Variants in MYH1 observed in about 807,000 individuals in gnomAD.
The protein encoded by MYH1 is myosin-1.
A neutral mutation model predicts 225.6 loss-of-function variants in MYH1; 214 were observed. That is an observed-to-expected ratio of 0.95 (90% CI 0.85 to 1.06). MYH1 has a LOEUF of 1.06. Among genes scored for constraint, MYH1 ranks in the 50% least tolerant of loss-of-function variants. MYH1 has a pLI of 0.00. For missense variants in MYH1, 2,098 were observed against 2,344.2 expected (o/e 0.89, Z 2.17); for synonymous variants, 774 against 842.3 (o/e 0.92, Z 1.40).
At chr17:10,493,308 C>T (rs936076806) in intron 39 of MYH1, among the ~76,000 whole-genome samples, 5 of 152,090 alleles carry the variant, frequency 3.3e-5, no homozygotes, top group African/African-American at 4.8e-5. Flanking sequence ...TGTGTGTGTC[C>T]GTGCACACAA....
chr17:10,509,163 T>G (rs12709362), intron 15 of MYH1, among the ~76,000 whole-genome samples: 1 of 151,916 alleles, frequency 6.6e-6, no homozygotes, highest in Non-Finnish European at 1.5e-5. Context: ...ATTCATACTT[T>G]GAATGCAGTA....
At chr17:10,517,751 T>A (rs1021868326) in intron 2 of MYH1, among the ~76,000 whole-genome samples, 1 of 152,030 alleles carries the variant, frequency 6.6e-6, no homozygotes, top group Non-Finnish European at 1.5e-5. Context: ...AATTTTTATT[T>A]TATAGATTGT....
At chr17:10,493,897 A>G (rs780598898) in intron 39 of MYH1, among the ~76,000 whole-genome samples, 2 of 152,120 alleles carry the variant, frequency 1.3e-5, no homozygotes, top group African/African-American at 2.4e-5. Flanking sequence ...GCTTCCTAAC[A>G]TGTCTCTCTG....
chr17:10,505,180 C>A lies in MYH1; in HGVS notation c.2418G>T (p.Gln806His). Residue 806 changes from glutamine (Q) to histidine (H), a missense_variant, in exon 21 of 40, where the codon CAG (glutamine) becomes CAT (histidine). Physicochemically the swap from Gln to His is conservative, Grantham distance 24. Coordinates refer to ENST00000226207, the MANE Select transcript of MYH1 (RefSeq NM_005963.4). Reference protein sequence around the residue: ...CRGFLARVEYQKMVERRESIF... With the variant: ...CRGFLARVEYHKMVERRESIF... Reference sequence around the variant, plus strand: ...ATTAATACCTTCTTTCCACCATTTTCTGGTACTCCACTCTTGCCAAGAACC... The same window carrying A: ...ATTAATACCTTCTTTCCACCATTTTATGGTACTCCACTCTTGCCAAGAACC... 1.2e-6 allele frequency: 2 copies of A among 1,614,152 alleles called. No homozygotes were observed. The highest frequency in any genetic ancestry group is 1.7e-6 in the Non-Finnish European group (2 of 1,180,024).
Position 10,512,711 on chromosome 17 carries a change from A to G in MYH1, c.978T>C (p.Ile326=). 6.2e-7 allele frequency: 1 copy of G among 1,613,862 alleles called. No individual in the cohort carries two copies. ...TAGCCATCAACTCTTCTTGGTCATC[A>G]ATGCTGGGCACTGTGATCTCCCCTT... ...VSQGEITVPS[I]DDQEELMATD... Residue 326 remains isoleucine, a synonymous_variant, in exon 11 of 40, where the codon ATT becomes ATC. Coordinates refer to ENST00000226207, the MANE Select transcript of MYH1 (RefSeq NM_005963.4).
intron 39 of MYH1, among the ~76,000 whole-genome samples, chr17:10,493,287 A>G (rs1597432864): frequency 6.6e-6 from 1 of 152,294 alleles, no homozygotes; most frequent in East Asian, 1.9e-4. Flanking sequence ...CGAGGTATGG[A>G]CAGTAGCGTG....
intron 24 of MYH1, among the ~76,000 whole-genome samples, chr17:10,502,226 T>A (rs1021860609): frequency 2.0e-5 from 3 of 152,232 alleles, no homozygotes; most frequent in Non-Finnish European, 4.4e-5. Context: ...ATGAACTTTT[T>A]TAACGCCTCC....
At chr17:10,515,734 A>G (rs569207028) in intron 5 of MYH1, among the ~76,000 whole-genome samples, 192 bp downstream of exon 5, 1 of 152,362 alleles carries the variant, frequency 6.6e-6, no homozygotes, top group Non-Finnish European at 1.5e-5. Context: ...TAGTAAAGTC[A>G]GTGAGGTGTA....
intron 14 of MYH1, 67 bp downstream of exon 14, chr17:10,511,772 C>T: frequency 6.2e-7 from 1 of 1,610,372 alleles, no homozygotes; most frequent in Non-Finnish European, 8.5e-7. Flanking sequence ...TACAGGCATG[C>T]TATATGACTG....
Position 10,501,204 on chromosome 17 carries a change from T to C in MYH1, c.3644A>G (p.Gln1215Arg), listed in dbSNP as rs139004016. 1 of 1,614,188 alleles carries C rather than the reference T, an allele frequency of 6.2e-7. No individual in the cohort carries two copies. Among genetic ancestry groups the C allele is most frequent in the Non-Finnish European group, 8.5e-7 (1 of 1,180,014 alleles). The change falls in exon 27 of 40, where the codon CAG (glutamine) becomes CGG (arginine). Residue 1215 changes from glutamine (Q) to arginine (R), a missense_variant. Coordinates refer to ENST00000226207, the MANE Select transcript of MYH1 (RefSeq NM_005963.4). ...AELGEQIDNL[Q>R]RVKQKLEKEK... ...CTTCTCCAGCTTCTGCTTCACTCGC[T>C]GCAGGTTGTCAATCTGCTCCCCAAG...
rs907753151 is a variant in MYH1 at position 10,496,063 on chromosome 17, G to T, written c.5056C>A (p.Gln1686Lys). The change falls in exon 35 of 40, where the codon CAG becomes AAG. Residue 1686 changes from glutamine to lysine, a missense_variant. Coordinates refer to ENST00000226207, the MANE Select transcript of MYH1 (RefSeq NM_005963.4). The part of the protein sequence containing the change: ...AMVERRANLL[Q>K]AEIEELRATL... ...GCCCGCAGCTCCTCGATCTCAGCCTGCAGCAGGTTGGCTCTGCGCTCCACC... is the reference window on the plus strand; with the variant it reads ...GCCCGCAGCTCCTCGATCTCAGCCTTCAGCAGGTTGGCTCTGCGCTCCACC... The T allele has an allele frequency of 9.9e-6, 16 of 1,613,994 alleles. No homozygotes were observed. The African/African-American group carries it at 2.1e-4, about 22-fold the overall frequency.
rs200937599 is a variant in MYH1 at position 10,506,077 on chromosome 17, G to T, written c.1991C>A (p.Thr664Asn). Residue 664 changes from threonine to asparagine, a missense_variant, in exon 18 of 40, where the codon ACC (threonine) becomes AAC (asparagine). Transcript: ENST00000226207. ...GTGGGGGTGAGTGCTCCTCAAGTTG[G>T]TCATCAGCTTATTCAAATTCTCCTG... is the stretch of plus-strand genomic sequence containing the variant. The part of the protein sequence containing the change: ...LFRENLNKLM[T>N]NLRSTHPHFV... The T allele has an allele frequency of 3.1e-6, 5 of 1,614,062 alleles. No individual in the cohort carries two copies. In the African/African-American group the frequency reaches 6.7e-5, roughly 22 times the overall value.
chr17:10,517,892 A>G (rs937653596), intron 2 of MYH1, among the ~76,000 whole-genome samples: 2 of 152,210 alleles, frequency 1.3e-5, no homozygotes, highest in African/African-American at 4.8e-5. Context: ...TAGAAAATTT[A>G]AATTTTCTCT....
chr17:10,499,137 T>C (rs1490294451), intron 28 of MYH1, 45 bp from the exon 29 acceptor site: 1 of 1,511,896 alleles, frequency 6.6e-7, no homozygotes, highest in Non-Finnish European at 9.1e-7. Flanking sequence ...CTTTGGAAAT[T>C]AAAACTCTAA....
rs985788759 is a variant in MYH1, at chr17:10,498,974, C to G, written c.3984G>C (p.Lys1328Asn). The G allele has an allele frequency of 5.0e-6, 8 of 1,609,464 alleles. No homozygotes were observed. The highest frequency in any genetic ancestry group is 1.6e-4 in the Middle Eastern group (1 of 6,078). ...GACAAGAATGACAAGTGGAGCTTACCTTTATCTCCTCTTCAAGTTGCCTTT... is the reference window on the plus strand; with the variant it reads ...GACAAGAATGACAAGTGGAGCTTACGTTTATCTCCTCTTCAAGTTGCCTTT... ...ELKRQLEEEIKAKSALAHALQ... is the reference protein window; with the variant it reads ...ELKRQLEEEINAKSALAHALQ... Residue 1328 changes from lysine to asparagine, a missense_variant and splice_region_variant, in exon 29 of 40, where the codon AAG (lysine) becomes AAC (asparagine). Transcript: ENST00000226207.
In MYH1 at chr17:10,501,256, T is replaced by C; in HGVS notation, c.3592A>G (p.Lys1198Glu). The C allele has an allele frequency of 1.2e-6, 2 of 1,614,220 alleles. No individual in the cohort carries two copies. Among genetic ancestry groups the C allele is most frequent in the Non-Finnish European group, 1.7e-6 (2 of 1,180,044 alleles). The change falls in exon 27 of 40, where the codon AAG becomes GAG. Residue 1198 changes from lysine (K) to glutamate (E), a missense_variant. By Grantham distance (56) the Lys-to-Glu change is moderately conservative. Transcript: ENST00000226207. ...TCGGCCACACTATCTGCATGCTTCT[T>C]CCTCAGGGTGGCCGCCGTGGCTTCA... is the stretch of plus-strand genomic sequence containing the variant. ...QHEATAATLR[K>E]KHADSVAELG... is the part of the protein sequence containing the mutation.
At chr17:10,514,206 C>G (rs1338169320) in intron 6 of MYH1, 82 bp from the exon 7 acceptor site, 2 of 1,478,460 alleles carry the variant, frequency 1.4e-6, no homozygotes, top group Non-Finnish European at 9.4e-7. Flanking sequence ...CTTTATATCT[C>G]TATTAGAGAG....
chr17:10,498,596 A>C (rs1317014802), intron 30 of MYH1, 30 bp downstream of exon 30: 7 of 1,613,586 alleles, frequency 4.3e-6, no homozygotes, highest in Non-Finnish European at 5.9e-6. Context: ...GGAAACTTAT[A>C]GTTCCATTTT....
rs202103660 is a variant in MYH1, at chr17:10,505,256, C to T, written c.2342G>A (p.Arg781Gln). The stretch of plus-strand genomic sequence containing the variant: ...AATCAGCTGGGCCAGCTTCTCATCT[C>T]GCATCTCCTCTAGGAGCCCCAGAAG... ...AGLLGLLEEM[R>Q]DEKLAQLITR... The change falls in exon 21 of 40, where the codon CGA (arginine) becomes CAA (glutamine). Residue 781 changes from arginine to glutamine, a missense_variant. Transcript: ENST00000226207. 1.5e-5 allele frequency: 25 copies of T among 1,614,202 alleles called. No individual in the cohort carries two copies. The highest frequency in any genetic ancestry group is 5.0e-5 in the Admixed American group (3 of 60,028).
Sources: allele counts gnomAD v4.1 joint callset (sites outside exome capture counted in the v4.1 genomes callset), GRCh38; gene constraint gnomAD v4.1.1; transcripts MANE v1.5; gene names NCBI Gene and HGNC (gene_info 2026-07-23, HGNC 2026-07-21).